PRR16: variants seen among roughly 807,000 people sequenced by gnomAD.
The protein encoded by PRR16 is protein Largen.
In PRR16, 6 loss-of-function variants were observed where a neutral mutation model predicts 18.2. The observed-to-expected ratio is 0.33, with a 90% CI of 0.18 to 0.65. The LOEUF (loss-of-function observed/expected upper bound fraction) is 0.65, where lower values mean the gene tolerates loss of function less well. PRR16 is among the 30% of genes least tolerant of loss of function. The probability of loss-of-function intolerance (pLI) is 0.74; values close to 1 mark genes in which losing one functional copy is unlikely to be tolerated. For synonymous variants in PRR16, 151 were observed against 147.8 expected (o/e 1.02, Z -0.16); for missense variants, 412 against 376.6 (o/e 1.09, Z -0.78).
chr5:120,714,661 A>G, the PRR16 span, among the ~76,000 whole-genome samples: 1 of 152,196 alleles, frequency 6.6e-6, no homozygotes, highest in East Asian at 1.9e-4. Context: ...AGGAATATAA[A>G]TCATTCTACT....
At chr5:120,549,842 T>A (rs963533378) in intron 1 of PRR16, among the ~76,000 whole-genome samples, 2 of 152,034 alleles carry the variant, frequency 1.3e-5, no homozygotes, top group African/African-American at 2.4e-5. Flanking sequence ...AGGGATACAA[T>A]GCAGAGTAAA....
At chr5:120,503,091 A>G (rs188821799) in intron 1 of PRR16, among the ~76,000 whole-genome samples, 405 of 152,332 alleles carry the variant, frequency 2.7e-3, no homozygotes, top group Non-Finnish European at 4.8e-3. Flanking sequence ...TCTTGGTTAA[A>G]GACATTGAAA....
At chr5:120,743,295 C>A in the PRR16 span, among the ~76,000 whole-genome samples, 1 of 150,524 alleles carries the variant, frequency 6.6e-6, no homozygotes, top group African/African-American at 2.4e-5. Flanking sequence ...CCTTTTATAT[C>A]TTGGTTAGTA....
chr5:120,697,950 ATTC>A, the PRR16 span, among the ~76,000 whole-genome samples: 1 of 152,136 alleles, frequency 6.6e-6, no homozygotes, highest in Non-Finnish European at 1.5e-5. Flanking sequence ...TTCTTTTGTG[ATTC>A]TTCAGTTACT....
chr5:120,531,980 A>G lies in PRR16; in HGVS notation c.159+67335A>G, dbSNP rs72788248. On this transcript the variant is annotated intron_variant, in intron 1 of 1. Coordinates refer to ENST00000407149, the MANE Select transcript of PRR16 (RefSeq NM_001300783.2). ...AATAGTTAATTAGAGAGCTAATTAT[A>G]AAGAAGCTCCATTAGAAATTCCCTT... 1.6e-3 allele frequency among the ~76,000 whole-genome samples: 241 copies of G among 152,324 alleles called. 1 individual carries two copies. Among genetic ancestry groups the G allele is most frequent in the Non-Finnish European group, 2.6e-3 (178 of 68,020 alleles).
chr5:120,776,587 G>C, the PRR16 span, among the ~76,000 whole-genome samples: 1 of 152,066 alleles, frequency 6.6e-6, no homozygotes, highest in African/African-American at 2.4e-5. Flanking sequence ...AATAGTTTGA[G>C]CAATTCACAT....
the PRR16 span, among the ~76,000 whole-genome samples, chr5:120,758,257 G>C: frequency 3.9e-5 from 6 of 151,998 alleles, no homozygotes; most frequent in Middle Eastern, 3.4e-3. Context: ...TTTTAGATGA[G>C]TACTGATTTT....
At chr5:120,521,826 C>T (rs1243149504) in intron 1 of PRR16, among the ~76,000 whole-genome samples, 1 of 152,126 alleles carries the variant, frequency 6.6e-6, no homozygotes. Context: ...CCCCCTTTCC[C>T]TTACCCCACC....
chr5:120,538,517 A>G (rs1380319970), intron 1 of PRR16, among the ~76,000 whole-genome samples: 1 of 152,248 alleles, frequency 6.6e-6, no homozygotes, highest in Admixed American at 6.5e-5. Context: ...ACTTACAAAC[A>G]TTAATATATG....
chr5:120,758,031 G>A, the PRR16 span, among the ~76,000 whole-genome samples: 1 of 151,660 alleles, frequency 6.6e-6, no homozygotes, highest in African/African-American at 2.4e-5. Flanking sequence ...TAATTTTATT[G>A]TCAAGACTTC....
intron 1 of PRR16, among the ~76,000 whole-genome samples, chr5:120,583,946 C>G (rs776223447): frequency 2.6e-5 from 4 of 152,154 alleles, no homozygotes; most frequent in Non-Finnish European, 5.9e-5. Flanking sequence ...TACTAAGTAT[C>G]TGTTATGGGT....
At chr5:120,497,683 C>T (rs932474242) in intron 1 of PRR16, among the ~76,000 whole-genome samples, 1 of 151,798 alleles carries the variant, frequency 6.6e-6, no homozygotes, top group Non-Finnish European at 1.5e-5. Flanking sequence ...GCCACAGCTC[C>T]CGGCTGAATT....
chr5:120,686,123 C>T lies in PRR16; in HGVS notation c.329C>T (p.Pro110Leu). Residue 110 changes from proline to leucine, a missense_variant, in exon 2 of 2, where the codon CCG becomes CTG. By Grantham distance (98) the Pro-to-Leu change is moderately conservative. Coordinates refer to ENST00000407149, the MANE Select transcript of PRR16 (RefSeq NM_001300783.2). ...CCGCTTATTAAACCCCCAGCACACC[C>T]GTCTGCTATCCTCACGGTCCTGAGA... ...NAPLIKPPAHPSAILTVLRKP... is the reference protein window; with the variant it reads ...NAPLIKPPAHLSAILTVLRKP... 1.9e-6 allele frequency: 3 copies of T among 1,614,110 alleles called. 1 individual carries two copies. Among genetic ancestry groups the T allele is most frequent in the South Asian group, 2.2e-5 (2 of 91,070 alleles).
At chr5:120,519,739 A>T (rs914255346) in intron 1 of PRR16, among the ~76,000 whole-genome samples, 3 of 149,756 alleles carry the variant, frequency 2.0e-5, no homozygotes, top group South Asian at 2.1e-4. Context: ...TTTATTTTTT[A>T]AAAAAATAGA....
chr5:120,650,347 CT>C (rs1328458926), intron 1 of PRR16, among the ~76,000 whole-genome samples: 2 of 148,758 alleles, frequency 1.3e-5, no homozygotes, highest in Admixed American at 6.7e-5. Flanking sequence ...TTTTATTATA[CT>C]TTAAGTTTTA....
downstream of PRR16, among the ~76,000 whole-genome samples, chr5:120,690,569 T>C (rs1420748094): frequency 6.6e-6 from 1 of 152,170 alleles, no homozygotes; most frequent in African/African-American, 2.4e-5. Flanking sequence ...AAAAGCCATA[T>C]CACGAAAGTA....
At chr5:120,761,856 C>A in the PRR16 span, among the ~76,000 whole-genome samples, 1 of 152,110 alleles carries the variant, frequency 6.6e-6, no homozygotes, top group Non-Finnish European at 1.5e-5. Context: ...ACCAACCTCT[C>A]TTCATTTACC....
intron 1 of PRR16, among the ~76,000 whole-genome samples, chr5:120,631,320 G>A (rs1443464079): frequency 1.3e-5 from 2 of 152,084 alleles, no homozygotes; most frequent in Non-Finnish European, 2.9e-5. Flanking sequence ...AACATACCAG[G>A]AAAGCCAAGA....
chr5:120,702,436 C>A, the PRR16 span, among the ~76,000 whole-genome samples: 1 of 151,782 alleles, frequency 6.6e-6, no homozygotes, highest in East Asian at 2.0e-4. Context: ...CTTGCCCTTC[C>A]CCTAGAAAAG....
Sources: allele counts gnomAD v4.1 joint callset (sites outside exome capture counted in the v4.1 genomes callset), GRCh38; gene constraint gnomAD v4.1.1; transcripts MANE v1.5; gene names NCBI Gene and HGNC (gene_info 2026-07-23, HGNC 2026-07-21).